Variants in CCDC74A observed in about 807,000 individuals in gnomAD.
CCDC74A encodes coiled-coil domain containing 74A, also known as coiled-coil domain-containing protein 74A.
In CCDC74A, 38 loss-of-function variants were observed where a neutral mutation model predicts 37.6. That is an observed-to-expected ratio of 1.01 (90% CI 0.78 to 1.33). CCDC74A has a LOEUF of 1.33. Among genes scored for constraint, CCDC74A ranks in the 40% most tolerant of loss-of-function variants. The pLI is 0.00. For missense variants in CCDC74A, 340 were observed against 403.4 expected (o/e 0.84, Z 1.35); for synonymous variants, 134 against 165.2 (o/e 0.81, Z 1.45).
At chr2:131,525,911 G>C (rs1195108276), upstream of CCDC74A, among the ~76,000 whole-genome samples, 1 of 151,178 alleles carries the variant, frequency 6.6e-6, no homozygotes, top group East Asian at 1.9e-4. Context: ...GTAGAGATGG[G>C]GTTTCACCGT....
upstream of CCDC74A, among the ~76,000 whole-genome samples, chr2:131,525,828 C>T (rs1390108198): frequency 6.7e-6 from 1 of 149,384 alleles, no homozygotes; most frequent in East Asian, 2.0e-4. Flanking sequence ...ACGCCATTCT[C>T]CTACCTCAGC....
Position 131,532,615 on chromosome 2 carries a change from C to G in CCDC74A, c.512C>G (p.Ala171Gly). The stretch of plus-strand genomic sequence containing the variant: ...AAGGAGAAAGCAGAGGCCTCTAATG[C>G]AGGAGCTGCCTGTATGGGGAACAGC... ...ARKEKAEASN[A>G]GAACMGNSQH... Residue 171 changes from alanine (A) to glycine (G), a missense_variant, in exon 5 of 8, where the codon GCA (alanine) becomes GGA (glycine). Physicochemically the swap from Ala to Gly is moderately conservative, Grantham distance 60. Coordinates refer to ENST00000409856, the MANE Select transcript of CCDC74A (RefSeq NM_001258306.3). 1 of 1,602,206 alleles carries G rather than the reference C, an allele frequency of 6.2e-7. No homozygotes were observed. The highest frequency in any genetic ancestry group is 2.2e-5 in the East Asian group (1 of 44,798).
intron 2 of CCDC74A, 41 bp downstream of exon 2, chr2:131,529,732 C>T: frequency 6.2e-7 from 1 of 1,608,914 alleles, no homozygotes; most frequent in South Asian, 1.1e-5. Context: ...GATGCTCTTG[C>T]CACCCAGGGG....
upstream of CCDC74A, among the ~76,000 whole-genome samples, chr2:131,524,886 C>CAAAAAAAAAA (rs57589680): frequency 1.3e-4 from 13 of 98,244 alleles, no homozygotes; most frequent in East Asian, 2.8e-4. Context: ...CATAGTAAGA[C>CAAAAAAAAAA]AAAAAAAAAA....
upstream of CCDC74A, among the ~76,000 whole-genome samples, chr2:131,525,711 C>CTTT (rs58721770): frequency 0.011 from 667 of 63,442 alleles, 39 homozygotes; most frequent in African/African-American, 0.03. Context: ...CTATGCCTGC[C>CTTT]TTTTTTTTTT....
intron 4 of CCDC74A, among the ~76,000 whole-genome samples, chr2:131,532,291 G>A (rs1681481374): frequency 7.4e-6 from 1 of 135,132 alleles, no homozygotes; most frequent in African/African-American, 2.7e-5. Context: ...CACATCCCAA[G>A]ACCAGGCCTG....
At position 131,532,569 on chromosome 2, in the gene CCDC74A, T is replaced by A; in HGVS notation, c.486-20T>A. 1 of 1,544,202 alleles carries A rather than the reference T, an allele frequency of 6.5e-7. No homozygotes were observed. Among genetic ancestry groups the A allele is most frequent in the Non-Finnish European group, 8.7e-7 (1 of 1,147,674 alleles). The stretch of plus-strand genomic sequence containing the variant: ...CGCACCTGGGCAGGTCACCTCTGGC[T>A]GCTGCAATGACTGTTTCAGAAAGGA... On this transcript the variant is annotated intron_variant, in intron 4 of 7. Transcript: ENST00000409856.
At chr2:131,532,137 C>T (rs551090977) in intron 4 of CCDC74A, among the ~76,000 whole-genome samples, 158 of 149,392 alleles carry the variant, frequency 1.1e-3, no homozygotes, top group Admixed American at 8.2e-3. Context: ...TGCCCCTGGC[C>T]ACAGCCTGCC....
rs1205067471 is a variant in CCDC74A at position 131,533,536 on chromosome 2, T to C, written c.*138T>C. The stretch of plus-strand genomic sequence containing the variant: ...ATAACACTCAAGATAGATAAAGTAC[T>C]TGATCTCCAAACTGACAAACTGTTT... On this transcript the variant is annotated 3_prime_UTR_variant, in exon 8 of 8. Coordinates refer to ENST00000409856, the MANE Select transcript of CCDC74A (RefSeq NM_001258306.3). 8.2e-7 allele frequency: 1 copy of C among 1,225,630 alleles called. No homozygotes were observed. The highest frequency in any genetic ancestry group is 1.1e-6 in the Non-Finnish European group (1 of 893,140). The allele number at this position is 1,225,630 out of a possible 1,614,324, so 75.9% of individuals were successfully genotyped here.
chr2:131,529,239 G>A, intron 1 of CCDC74A: 1 of 338,684 alleles, frequency 3.0e-6, no homozygotes, highest in East Asian at 6.0e-5. Context: ...GCTTCCCCAT[G>A]TCTTCTTGAG....
At chr2:131,525,711 CTTT>C (rs58721770), upstream of CCDC74A, among the ~76,000 whole-genome samples, 14 of 63,448 alleles carry the variant, frequency 2.2e-4, no homozygotes, top group Admixed American at 1.5e-3. Context: ...CTATGCCTGC[CTTT>C]TTTTTTTTTT....
intron 1 of CCDC74A, chr2:131,529,225 C>G: frequency 3.2e-6 from 1 of 310,688 alleles, no homozygotes; most frequent in South Asian, 3.9e-5. Context: ...TTTGTCAGGA[C>G]CCCGCTTCCC....
At chr2:131,523,313 CTAAT>C (rs1326071733), upstream of CCDC74A, among the ~76,000 whole-genome samples, 2 of 152,194 alleles carry the variant, frequency 1.3e-5, no homozygotes, top group African/African-American at 2.4e-5. Flanking sequence ...CGAAATATAT[CTAAT>C]TATTTCCCAG....
intron 2 of CCDC74A, chr2:131,530,279 C>A: frequency 6.5e-7 from 1 of 1,543,796 alleles, no homozygotes; most frequent in Non-Finnish European, 8.7e-7. Context: ...TTCCCATTAT[C>A]TTTGGGGCTG....
upstream of CCDC74A, among the ~76,000 whole-genome samples, chr2:131,526,835 C>T (rs557229099): frequency 2.4e-4 from 36 of 152,228 alleles, no homozygotes; most frequent in Admixed American, 1.6e-3. Flanking sequence ...GTTGCCTTTA[C>T]GGTTTCCTAG....
Position 131,530,535 on chromosome 2 carries a change from C to T in CCDC74A, c.296-242C>T, listed in dbSNP as rs370447582. Reference sequence around the variant, plus strand: ...CACGGGAAGAGGCCATGCTTTCCCTCGGGACCTGCTGTTCCATGTGTCCCA... The same window carrying T: ...CACGGGAAGAGGCCATGCTTTCCCTTGGGACCTGCTGTTCCATGTGTCCCA... On this transcript the variant is annotated intron_variant, in intron 2 of 7. Transcript: ENST00000409856. 291 of 1,581,966 alleles carry T rather than the reference C, an allele frequency of 1.8e-4. 10 individuals carry two copies. The African/African-American group carries it at 2.8e-3, about 15-fold the overall frequency.
intron 3 of CCDC74A, among the ~76,000 whole-genome samples, chr2:131,531,351 C>T (rs999537425): frequency 1.3e-4 from 20 of 152,082 alleles, no homozygotes; most frequent in African/African-American, 4.8e-4. Flanking sequence ...CGGGCCTTGT[C>T]CTTGCCGAGG....
At position 131,530,847 on chromosome 2, in the gene CCDC74A, T is replaced by C. The variant is rs1681159997; in HGVS notation, c.346+20T>C. The stretch of plus-strand genomic sequence containing the variant: ...ATTCAGGTGAGCAGGCTGGCGTCCA[T>C]GTGCTCACAGGGGTGAGTGCCCCAC... On this transcript the variant is annotated intron_variant, in intron 3 of 7. Transcript: ENST00000409856. 1 of 1,607,734 alleles carries C rather than the reference T, an allele frequency of 6.2e-7. No individual in the cohort carries two copies. The highest frequency in any genetic ancestry group is 8.5e-7 in the Non-Finnish European group (1 of 1,177,368).
At position 131,533,230 on chromosome 2, in the gene CCDC74A, C is replaced by T. The variant is rs548093124; in HGVS notation, c.810-39C>T. 82 of 1,611,008 alleles carry T rather than the reference C, an allele frequency of 5.1e-5. No individual in the cohort carries two copies. In the East Asian group the frequency reaches 1.1e-3, roughly 21 times the overall value. ...CCGCACTCCCCACACACTCCACTCC[C>T]GGGGATGCTCACGGTGACAGTCCCT... On this transcript the variant is annotated intron_variant, in intron 7 of 7. Transcript: ENST00000409856.
Sources: gnomAD v4.1 joint callset for allele counts (sites outside exome capture counted in the v4.1 genomes callset) on GRCh38, gnomAD v4.1.1 for gene constraint, MANE v1.5 for transcripts, NCBI Gene and HGNC (gene_info 2026-07-23, HGNC 2026-07-21) for gene names.